SHTN1: variants seen among roughly 807,000 people sequenced by gnomAD.
SHTN1 encodes the protein shootin-1.
Under a neutral mutation model 83.1 loss-of-function variants are expected in SHTN1, and 42 were observed. The ratio of observed to expected loss-of-function variants is 0.51; its 90% CI spans 0.39 to 0.65. The LOEUF is 0.65. SHTN1 is among the 30% of genes least tolerant of loss of function. The pLI is 0.00. For synonymous variants in SHTN1, 224 were observed against 247.7 expected (o/e 0.90, Z 0.90); for missense variants, 622 against 737.8 (o/e 0.84, Z 1.82).
intron 1 of SHTN1, among the ~76,000 whole-genome samples, chr10:116,981,274 G>A (rs974765017): frequency 6.6e-6 from 1 of 152,070 alleles, no homozygotes; most frequent in Non-Finnish European, 1.5e-5. Context: ...AGCCAAGAAC[G>A]CACCACAGCA....
chr10:117,119,804 T>C (rs1218191278), intron 1 of SHTN1, among the ~76,000 whole-genome samples: 1 of 151,226 alleles, frequency 6.6e-6, no homozygotes, highest in Non-Finnish European at 1.5e-5. Context: ...GAATGAATTT[T>C]AAAAATTGTA....
At chr10:116,910,787 A>G (rs1336166600) in intron 14 of SHTN1, among the ~76,000 whole-genome samples, 1 of 152,188 alleles carries the variant, frequency 6.6e-6, no homozygotes, top group Non-Finnish European at 1.5e-5. Context: ...TAATCACCAC[A>G]TGCTTTTTCA....
intron 2 of SHTN1, among the ~76,000 whole-genome samples, chr10:117,017,577 TATAA>T (rs1006420666): frequency 1.8e-4 from 28 of 152,034 alleles, no homozygotes; most frequent in African/African-American, 6.3e-4. Flanking sequence ...TTCATACTGA[TATAA>T]ATAAATGATT....
intron 1 of SHTN1, among the ~76,000 whole-genome samples, chr10:117,061,135 C>CTTTTTT (rs5788206): frequency 8.6e-5 from 11 of 127,262 alleles, no homozygotes; most frequent in Non-Finnish European, 1.5e-4. Flanking sequence ...AAGCTTTAGT[C>CTTTTTT]TTTTTTTTTT....
At chr10:117,112,677 G>A (rs1392204269) in intron 1 of SHTN1, among the ~76,000 whole-genome samples, 1 of 152,164 alleles carries the variant, frequency 6.6e-6, no homozygotes, top group Non-Finnish European at 1.5e-5. Flanking sequence ...CAGTTTTCCT[G>A]CGTTCCAGCC....
At chr10:117,056,758 C>T (rs112917562) in intron 1 of SHTN1, among the ~76,000 whole-genome samples, 4,161 of 152,160 alleles carry the variant, frequency 0.027, 178 homozygotes, top group African/African-American at 0.091. Flanking sequence ...TTGCAGTGAG[C>T]CGAGATGGTG....
chr10:117,110,369 T>G (rs1201694658), intron 1 of SHTN1, among the ~76,000 whole-genome samples: 1 of 152,226 alleles, frequency 6.6e-6, no homozygotes, highest in Non-Finnish European at 1.5e-5. Context: ...TTTGTTTTTG[T>G]TGAGACGGAG....
intron 8 of SHTN1, among the ~76,000 whole-genome samples, chr10:116,941,677 C>G (rs1849377482): frequency 6.6e-6 from 1 of 152,208 alleles, no homozygotes; most frequent in African/African-American, 2.4e-5. Flanking sequence ...CATCATGTAA[C>G]AGAAAAAGTC....
At chr10:117,065,797 G>A (rs866483786) in intron 1 of SHTN1, among the ~76,000 whole-genome samples, 17 of 20,824 alleles carry the variant, frequency 8.2e-4, no homozygotes, top group East Asian at 2.3e-3. Flanking sequence ...AGGAAGGAAG[G>A]AAGGAAGGAA....
intron 1 of SHTN1, among the ~76,000 whole-genome samples, chr10:117,104,083 G>C (rs193099794): frequency 1.5e-4 from 23 of 152,252 alleles, no homozygotes; most frequent in Admixed American, 1.5e-3. Context: ...TAGTCAGAAC[G>C]AGGAGTCAAA....
intron 1 of SHTN1, among the ~76,000 whole-genome samples, chr10:117,107,244 A>G (rs1010252323): frequency 6.6e-6 from 1 of 152,300 alleles, no homozygotes; most frequent in Middle Eastern, 3.4e-3. Flanking sequence ...ATAGATGAGG[A>G]AACAGTTTTG....
At position 116,905,208 on chromosome 10, in the gene SHTN1, C is replaced by CAA. The variant is rs772309175; in HGVS notation, c.1480+1417_1480+1418dup. The stretch of plus-strand genomic sequence containing the variant: ...TGGGCGACAGAGCGAGACTCCGTCT[C>CAA]AAAAAAAAAAAAAAAAAAAAATAGC... On this transcript the variant is annotated intron_variant, in intron 15 of 16. Transcript: ENST00000355371. Among the ~76,000 whole-genome samples the CAA allele has an allele frequency of 2.8e-3, 176 of 63,072 alleles. 1 individual carries two copies. In the East Asian group the frequency reaches 0.029, roughly 10 times the overall value. The allele number at this position is 63,072 out of a possible 152,430, so 41.4% of individuals were successfully genotyped here.
Position 116,963,542 on chromosome 10 carries a change from T to C in SHTN1, c.173-3312A>G, listed in dbSNP as rs576637142. 7.9e-5 allele frequency among the ~76,000 whole-genome samples: 12 copies of C among 152,306 alleles called. No homozygotes were observed. The East Asian group carries it at 2.1e-3, about 27-fold the overall frequency. ...AAAAAGATGAACTTTTAATAAAGTGTCCGTAATACTGCAGTTATGTTAAAA... is the reference window on the plus strand; with the variant it reads ...AAAAAGATGAACTTTTAATAAAGTGCCCGTAATACTGCAGTTATGTTAAAA... On this transcript the variant is annotated intron_variant, in intron 3 of 16. Coordinates refer to ENST00000355371, the MANE Select transcript of SHTN1 (RefSeq NM_001127211.3).
intron 1 of SHTN1, among the ~76,000 whole-genome samples, chr10:117,109,121 C>A (rs531873343): frequency 6.6e-6 from 1 of 152,278 alleles, no homozygotes. Flanking sequence ...GCCTTGATTG[C>A]GCATTGTAAT....
chr10:116,968,697 G>C lies in SHTN1; in HGVS notation c.127C>G (p.Gln43Glu). 1 of 1,611,632 alleles carries C rather than the reference G, an allele frequency of 6.2e-7. No homozygotes were observed. Among genetic ancestry groups the C allele is most frequent in the Non-Finnish European group, 8.5e-7 (1 of 1,178,440 alleles). Residue 43 changes from glutamine to glutamate, a missense_variant, in exon 3 of 17, where the codon CAA becomes GAA. Coordinates refer to ENST00000355371, the MANE Select transcript of SHTN1 (RefSeq NM_001127211.3). ...TTTTTAACGGCTTCATCTCGTTCTT[G>C]CCTAATTTTGTCACACTGAAATGAG... is the stretch of plus-strand genomic sequence containing the variant. ...KTKEKCDKIR[Q>E]ERDEAVKKLE...
intron 16 of SHTN1, among the ~76,000 whole-genome samples, chr10:116,890,966 A>G (rs1172156994): frequency 1.3e-5 from 2 of 152,240 alleles, no homozygotes; most frequent in Non-Finnish European, 2.9e-5. Flanking sequence ...CCACGTTCCA[A>G]CTATATTCAA....
rs936619971 is a variant in SHTN1, at chr10:116,921,910, T to C, written c.1113-394A>G. On this transcript the variant is annotated intron_variant, in intron 11 of 16. Transcript: ENST00000355371. ...AAAAAGTGTATGTTATCAGTAAATA[T>C]CTATTTGTGAACTATGGGTATAAAA... 3.3e-5 allele frequency among the ~76,000 whole-genome samples: 5 copies of C among 152,292 alleles called. No individual in the cohort carries two copies. In the South Asian group the frequency reaches 6.2e-4, roughly 19 times the overall value.
At chr10:116,947,624 A>C (rs1430613121) in intron 7 of SHTN1, among the ~76,000 whole-genome samples, 1 of 152,216 alleles carries the variant, frequency 6.6e-6, no homozygotes, top group East Asian at 1.9e-4. Context: ...AGCCCAGGCA[A>C]GATAATTGAC....
intron 12 of SHTN1, among the ~76,000 whole-genome samples, chr10:116,919,245 T>C (rs1848472660): frequency 6.6e-6 from 1 of 152,222 alleles, no homozygotes; most frequent in Non-Finnish European, 1.5e-5. Flanking sequence ...TTTTTCAGTG[T>C]GACCTATTAA....
Sources: gnomAD v4.1 joint callset for allele counts (sites outside exome capture counted in the v4.1 genomes callset) on GRCh38, gnomAD v4.1.1 for gene constraint, MANE v1.5 for transcripts, NCBI Gene and HGNC (gene_info 2026-07-23, HGNC 2026-07-21) for gene names.